PALD1: variants seen among roughly 807,000 people sequenced by gnomAD.
The protein encoded by PALD1 is paladin.
Under a neutral mutation model 96.0 loss-of-function variants are expected in PALD1, and 57 were observed. The observed-to-expected ratio is 0.59, with a 90% CI of 0.48 to 0.74. The LOEUF is 0.74. Ranked by LOEUF, PALD1 falls within the 30% of genes least tolerant of loss-of-function variation. The pLI, the probability that PALD1 is intolerant of heterozygous loss-of-function variation, is 0.00. For synonymous variants in PALD1, 464 were observed against 473.6 expected (o/e 0.98, Z 0.26); for missense variants, 1,063 against 1,143.7 (o/e 0.93, Z 1.02).
chr10:70,534,911 A>C, intron 10 of PALD1, 68 bp downstream of exon 10: 1 of 1,049,172 alleles, frequency 9.5e-7, no homozygotes, highest in East Asian at 2.5e-5. Flanking sequence ...TTCATTAGGC[A>C]TGTTGACTGG....
chr10:70,557,396 T>C (rs1215157217), intron 18 of PALD1, among the ~76,000 whole-genome samples: 2 of 152,172 alleles, frequency 1.3e-5, no homozygotes, highest in East Asian at 1.9e-4. Context: ...CAGCATTGAA[T>C]CTCTGTGCCT....
intron 1 of PALD1, among the ~76,000 whole-genome samples, chr10:70,505,854 C>T (rs1384667036): frequency 6.6e-6 from 1 of 151,664 alleles, no homozygotes; most frequent in Non-Finnish European, 1.5e-5. Flanking sequence ...AACCCCATAT[C>T]TACCCAAAAT....
the PALD1 span, among the ~76,000 whole-genome samples, chr10:70,473,204 C>T: frequency 6.6e-6 from 1 of 152,232 alleles, no homozygotes; most frequent in Non-Finnish European, 1.5e-5. Flanking sequence ...TGCCACCAAT[C>T]GTGCTTCCCC....
intron 1 of PALD1, among the ~76,000 whole-genome samples, chr10:70,503,064 G>A (rs1391177101): frequency 6.6e-6 from 1 of 151,984 alleles, no homozygotes; most frequent in African/African-American, 2.4e-5. Context: ...ATTTTTAGTA[G>A]AGATGGGGTT....
chr10:70,566,610 C>T lies in PALD1; in HGVS notation c.2448C>T (p.Ile816=). 1.2e-6 allele frequency: 2 copies of T among 1,611,352 alleles called. No individual in the cohort carries two copies. Among genetic ancestry groups the T allele is most frequent in the Non-Finnish European group, 1.7e-6 (2 of 1,179,078 alleles). Residue 816 remains isoleucine, a synonymous_variant, in exon 20 of 20, where the codon ATC becomes ATT. Transcript: ENST00000263563. ...CATCGAAGGCTGGCATCTACGAGATCCTTAACGAGCTGGGCTTCCCCGAGC... is the reference window on the plus strand; with the variant it reads ...CATCGAAGGCTGGCATCTACGAGATTCTTAACGAGCTGGGCTTCCCCGAGC... ...EVASKAGIYE[I]LNELGFPELE...
At chr10:70,561,023 T>C (rs146890085) in intron 18 of PALD1, among the ~76,000 whole-genome samples, 22 of 152,312 alleles carry the variant, frequency 1.4e-4, no homozygotes, top group African/African-American at 5.3e-4. Context: ...CAGCAAGATG[T>C]GCCCTCGGAA....
At chr10:70,493,128 T>C (rs556965032) in intron 1 of PALD1, among the ~76,000 whole-genome samples, 1 of 152,288 alleles carries the variant, frequency 6.6e-6, no homozygotes, top group South Asian at 2.1e-4. Context: ...CGCTGCTGCT[T>C]CCTTTTTTTG....
intron 17 of PALD1, among the ~76,000 whole-genome samples, chr10:70,544,154 C>G (rs150226411): frequency 1.3e-5 from 2 of 152,250 alleles, no homozygotes; most frequent in African/African-American, 4.8e-5. Context: ...GCCAAGAGTG[C>G]AGCTGAGGGA....
rs192967508 is a variant in PALD1, at chr10:70,555,535, C to T, written c.2262+8089C>T. Among the ~76,000 whole-genome samples the T allele has an allele frequency of 3.6e-3, 551 of 152,282 alleles. 3 individuals carry two copies. The highest frequency in any genetic ancestry group is 0.012 in the African/African-American group (499 of 41,552). On this transcript the variant is annotated intron_variant, in intron 18 of 19. Coordinates refer to ENST00000263563, the MANE Select transcript of PALD1 (RefSeq NM_014431.3). ...AAGCGTTGGCAGGGAAGCTGCCAGC[C>T]GCTACTGTGTGACTGCCTGGGTTGG...
At chr10:70,557,891 G>C (rs969378002) in intron 18 of PALD1, among the ~76,000 whole-genome samples, 1 of 150,484 alleles carries the variant, frequency 6.6e-6, no homozygotes, top group East Asian at 1.9e-4. Flanking sequence ...GTCTGGCTTG[G>C]CTTGATGAAG....
upstream of PALD1, among the ~76,000 whole-genome samples, chr10:70,476,051 C>T (rs970037504): frequency 6.6e-5 from 10 of 152,134 alleles, no homozygotes; most frequent in Admixed American, 4.6e-4. Flanking sequence ...GTGTCTTGGA[C>T]GTTTGTGTGT....
chr10:70,539,853 C>T lies in PALD1; in HGVS notation c.1908+91C>T, dbSNP rs928740019. 4.3e-6 allele frequency: 5 copies of T among 1,168,428 alleles called. No homozygotes were observed. The highest frequency in any genetic ancestry group is 4.9e-6 in the Non-Finnish European group (4 of 824,466). 72.4% of individuals were successfully genotyped at this position (1,168,428 alleles called of 1,614,324 possible). ...TCTGGGCTCTGGGAGAATGAAACGACCCCAGCTTCTCTACGGGGCCCGGGA... is the reference window on the plus strand; with the variant it reads ...TCTGGGCTCTGGGAGAATGAAACGATCCCAGCTTCTCTACGGGGCCCGGGA... On this transcript the variant is annotated intron_variant, in intron 15 of 19. Transcript: ENST00000263563. The surrounding 1 kb of genome is among the most constrained non-coding windows in gnomAD (Gnocchi z 4.5).
chr10:70,499,803 AC>A (rs749665803), intron 1 of PALD1, among the ~76,000 whole-genome samples: 1 of 152,152 alleles, frequency 6.6e-6, no homozygotes, highest in Non-Finnish European at 1.5e-5. Flanking sequence ...TCAGGGCCAG[AC>A]GGCCTGAGTT....
chr10:70,512,215 A>G (rs1054355404), intron 1 of PALD1, among the ~76,000 whole-genome samples: 2 of 152,082 alleles, frequency 1.3e-5, no homozygotes, highest in African/African-American at 4.8e-5. Context: ...GCTGCAAGGG[A>G]GGTGGGGAAT....
chr10:70,497,405 G>A (rs997697073), intron 1 of PALD1, among the ~76,000 whole-genome samples: 6 of 152,134 alleles, frequency 3.9e-5, no homozygotes, highest in African/African-American at 1.4e-4. Context: ...TCCCTGACCC[G>A]AGGTAGCGTT....
At chr10:70,512,425 G>A (rs1470734991) in intron 1 of PALD1, among the ~76,000 whole-genome samples, 1 of 152,262 alleles carries the variant, frequency 6.6e-6, no homozygotes, top group East Asian at 1.9e-4. Context: ...GCCACATGCT[G>A]TAGGCCAGGA....
the PALD1 span, among the ~76,000 whole-genome samples, chr10:70,471,630 C>G: frequency 3.3e-5 from 5 of 152,236 alleles, no homozygotes; most frequent in Non-Finnish European, 7.3e-5. Flanking sequence ...TCAATCTTCT[C>G]TTTCATCATC....
rs2132379702 is a variant in PALD1 at position 70,534,530 on chromosome 10, T to G, written c.1122+6T>G. Reference sequence around the variant, plus strand: ...GAAGGAGGATGGTGGAAGAGGTGAGTGAGGGACAGCAAAGGGCTGGGGCAG... The same window carrying G: ...GAAGGAGGATGGTGGAAGAGGTGAGGGAGGGACAGCAAAGGGCTGGGGCAG... On this transcript the variant is annotated splice_donor_region_variant and intron_variant, in intron 9 of 19. Transcript: ENST00000263563. 1.2e-6 allele frequency: 2 copies of G among 1,600,722 alleles called. No individual in the cohort carries two copies. Among genetic ancestry groups the G allele is most frequent in the South Asian group, 2.2e-5 (2 of 89,868 alleles).
In PALD1 at chr10:70,529,224, C is replaced by G. The variant is rs527946557; in HGVS notation, c.186-5C>G. On this transcript the variant is annotated splice_region_variant and splice_polypyrimidine_tract_variant and intron_variant, in intron 2 of 19. Transcript: ENST00000263563. The stretch of plus-strand genomic sequence containing the variant: ...TTCCATTCTGCCCCCCCCCCCCCCC[C>G]CCAGGTACAACTGCAAGGAGGAGTT... The G allele has an allele frequency of 1.6e-3, 482 of 300,594 alleles. 23 individuals are homozygous for G. Among genetic ancestry groups the G allele is most frequent in the South Asian group, 6.0e-3 (231 of 38,540 alleles). The allele number at this position is 300,594 out of a possible 1,614,324, so 18.6% of individuals were successfully genotyped here.
Sources: gnomAD v4.1 joint callset for allele counts (sites outside exome capture counted in the v4.1 genomes callset) on GRCh38, gnomAD v4.1.1 for gene constraint, Gnocchi (gnomAD v3.1) non-coding constraint, MANE v1.5 for transcripts, NCBI Gene and HGNC (gene_info 2026-07-23, HGNC 2026-07-21) for gene names.